The following NOL8 variants were observed in gnomAD, a reference collection of about 807,000 sequenced individuals.
The protein encoded by NOL8 is nucleolar protein 8.
Under a neutral mutation model 116.1 loss-of-function variants are expected in NOL8, and 93 were observed. That is an observed-to-expected ratio of 0.80 (90% CI 0.68 to 0.95). The LOEUF is 0.95. Among genes scored for constraint, NOL8 ranks in the 40% least tolerant of loss-of-function variants. The pLI is 0.00. For missense variants in NOL8, 1,291 were observed against 1,382.8 expected (o/e 0.93, Z 1.05); for synonymous variants, 419 against 469.0 (o/e 0.89, Z 1.38).
At chr9:92,320,672 T>C (rs1023475157) in intron 4 of NOL8, among the ~76,000 whole-genome samples, 2 of 151,936 alleles carry the variant, frequency 1.3e-5, no homozygotes, top group Non-Finnish European at 2.9e-5. Context: ...AATGGCACAA[T>C]GTAGGCTCAC....
chr9:92,310,358 T>A (rs1838661453), intron 9 of NOL8, 97 bp from the exon 10 acceptor site: 2 of 1,220,656 alleles, frequency 1.6e-6, no homozygotes, highest in Non-Finnish European at 2.4e-6. Context: ...ACACTGAAAT[T>A]CACTACATTA....
Position 92,315,001 on chromosome 9 carries a change from C to A in NOL8, c.1624G>T (p.Ala542Ser). ...TCTAACAGGGAAGCCACAATCTCCGCAGGACGAATACACTGTCGGCCTCTG... is the reference window on the plus strand; with the variant it reads ...TCTAACAGGGAAGCCACAATCTCCGAAGGACGAATACACTGTCGGCCTCTG... Reference protein sequence around the residue: ...LRRGRQCIRPAEIVASLLEGE... With the variant: ...LRRGRQCIRPSEIVASLLEGE... The change falls in exon 7 of 17, where the codon GCG becomes TCG. Residue 542 changes from alanine (A) to serine (S), a missense_variant. By Grantham distance (99) the Ala-to-Ser change is moderately conservative. Coordinates refer to ENST00000442668, the MANE Select transcript of NOL8 (RefSeq NM_017948.6). 1.2e-6 allele frequency: 2 copies of A among 1,614,032 alleles called. No individual in the cohort carries two copies. Among genetic ancestry groups the A allele is most frequent in the Non-Finnish European group, 1.7e-6 (2 of 1,179,892 alleles).
rs866741310 is a variant in NOL8, at chr9:92,306,913, C to T, written c.2798G>A (p.Arg933Lys). 2.6e-5 allele frequency: 42 copies of T among 1,613,112 alleles called. No individual in the cohort carries two copies. The East Asian group carries it at 9.4e-4, about 36-fold the overall frequency. ...AAATTTCTTAGCAGCTACTGATCCTCTGTTTGTAGAATTGCTTAAGTTGAT... is the reference window on the plus strand; with the variant it reads ...AAATTTCTTAGCAGCTACTGATCCTTTGTTTGTAGAATTGCTTAAGTTGAT... ...LQINLSNSTN[R>K]GSVAAKKFKD... Residue 933 changes from arginine (R) to lysine (K), a missense_variant, in exon 11 of 17, where the codon AGA (arginine) becomes AAA (lysine). By Grantham distance (26) the Arg-to-Lys change is conservative. Transcript: ENST00000442668.
At chr9:92,318,760 ATAC>A (rs1260845973) in intron 5 of NOL8, 74 bp from the exon 6 acceptor site, 1 of 956,416 alleles carries the variant, frequency 1.0e-6, no homozygotes, top group Non-Finnish European at 1.5e-6. Context: ...TATTAGGTAA[ATAC>A]AACAAAAAAA....
intron 2 of NOL8, among the ~76,000 whole-genome samples, chr9:92,323,727 T>C (rs1460000711): frequency 6.6e-6 from 1 of 152,198 alleles, no homozygotes; most frequent in African/African-American, 2.4e-5. Context: ...AGGAAACATT[T>C]TGATTGTATG....
chr9:92,312,581 C>G lies in NOL8; in HGVS notation c.2359-1322G>C, dbSNP rs1003574986. Among the ~76,000 whole-genome samples, 13 of 151,286 alleles carry G rather than the reference C, an allele frequency of 8.6e-5. 1 individual carries two copies. Among genetic ancestry groups the G allele is most frequent in the African/African-American group, 3.2e-4 (13 of 41,180 alleles). On this transcript the variant is annotated intron_variant, in intron 7 of 16. Coordinates refer to ENST00000442668, the MANE Select transcript of NOL8 (RefSeq NM_017948.6). Reference sequence around the variant, plus strand: ...GTAGCTCACGCCTGTAATCCCAACACTTTGGGAGGCCAAGACAGGCGGATC... The same window carrying G: ...GTAGCTCACGCCTGTAATCCCAACAGTTTGGGAGGCCAAGACAGGCGGATC...
chr9:92,314,160 G>T, intron 7 of NOL8, 107 bp downstream of exon 7: 4 of 1,366,216 alleles, frequency 2.9e-6, no homozygotes, highest in South Asian at 2.3e-5. Flanking sequence ...CATGAAACTG[G>T]TGAACACCAA....
chr9:92,297,703 T>G lies in NOL8; in HGVS notation c.*133A>C. 1 of 647,260 alleles carries G rather than the reference T, an allele frequency of 1.5e-6. No individual in the cohort carries two copies. The highest frequency in any genetic ancestry group is 2.6e-6 in the Non-Finnish European group (1 of 379,042). 40.1% of individuals were successfully genotyped at this position (647,260 alleles called of 1,614,324 possible). A position where few individuals can be genotyped will look rare whatever the true frequency, so the allele number is the denominator to read the frequency against. On this transcript the variant is annotated 3_prime_UTR_variant, in exon 17 of 17. Transcript: ENST00000442668. ...CCACAGAAAAAGATGGCAACCAGAA[T>G]GATATTCCGTCAGCCAGATTTTTAA...
At chr9:92,319,462 G>C in intron 4 of NOL8, 106 bp from the exon 5 acceptor site, 1 of 1,238,936 alleles carries the variant, frequency 8.1e-7, no homozygotes, top group Non-Finnish European at 1.0e-6. Flanking sequence ...CAGCTTTGTA[G>C]TATTAAAAAC....
intron 10 of NOL8, among the ~76,000 whole-genome samples, chr9:92,309,107 C>G (rs1359459274): frequency 1.3e-5 from 2 of 152,158 alleles, no homozygotes; most frequent in Non-Finnish European, 2.9e-5. Flanking sequence ...TGCCTGTAAT[C>G]TCAGCACTGA....
intron 13 of NOL8, chr9:92,300,785 T>C: frequency 1.7e-6 from 2 of 1,151,354 alleles, no homozygotes; most frequent in Non-Finnish European, 2.2e-6. Context: ...ACCACTGCAC[T>C]CCAGCCTGGG....
At chr9:92,303,935 C>G (rs1837987064) in intron 12 of NOL8, among the ~76,000 whole-genome samples, 1 of 152,212 alleles carries the variant, frequency 6.6e-6, no homozygotes, top group Non-Finnish European at 1.5e-5. Context: ...AGGCTTATCT[C>G]AAAATGATTT....
Position 92,301,695 on chromosome 9 carries a change from C to T in NOL8, c.3031G>A (p.Glu1011Lys), listed in dbSNP as rs1837759486. 1.9e-6 allele frequency: 3 copies of T among 1,607,810 alleles called. No individual in the cohort carries two copies. The highest frequency in any genetic ancestry group is 2.5e-6 in the Non-Finnish European group (3 of 1,178,278). The change falls in exon 13 of 17, where the codon GAA (glutamate) becomes AAA (lysine). Residue 1011 changes from glutamate (E) to lysine (K), a missense_variant. Coordinates refer to ENST00000442668, the MANE Select transcript of NOL8 (RefSeq NM_017948.6). ...FQTTKYTSEK[E>K]EGTPWNEDCG... ...TCCTCATTCCAGGGTGTGCCCTCTT[C>T]CTTTTCACTGGTATATTTTGTAGTT...
At chr9:92,323,993 A>G (rs1840190516) in intron 2 of NOL8, 30 bp downstream of exon 2, 5 of 1,611,532 alleles carry the variant, frequency 3.1e-6, no homozygotes, top group South Asian at 1.1e-5. Flanking sequence ...ATGTCTGCCT[A>G]TAACTGCCCA....
intron 7 of NOL8, 60 bp from the exon 8 acceptor site, chr9:92,311,319 CA>C (rs1838770061): frequency 7.9e-7 from 1 of 1,273,652 alleles, no homozygotes; most frequent in African/African-American, 1.5e-5. Flanking sequence ...ACTCCAAAAG[CA>C]ATTGCAACAA....
In NOL8 at chr9:92,310,590, T is replaced by C; in HGVS notation, c.2558A>G (p.Lys853Arg). ...SDSEDDSNRF[K>R]IKPQFEGRAG... ...TCTGCCCTCAAACTGAGGTTTAATT[T>C]TGAACCTATTACTGTCATCTTCAGA... The change falls in exon 9 of 17, where the codon AAA (lysine) becomes AGA (arginine). Residue 853 changes from lysine to arginine, a missense_variant. Physicochemically the swap from Lys to Arg is conservative, Grantham distance 26 (BLOSUM62 2). Coordinates refer to ENST00000442668, the MANE Select transcript of NOL8 (RefSeq NM_017948.6). 1 of 1,612,602 alleles carries C rather than the reference T, an allele frequency of 6.2e-7. No homozygotes were observed. Among genetic ancestry groups the C allele is most frequent in the Non-Finnish European group, 8.5e-7 (1 of 1,179,400 alleles).
chr9:92,316,138 T>A lies in NOL8; in HGVS notation c.487A>T (p.Ile163Phe), dbSNP rs1267240011. The A allele has an allele frequency of 6.2e-7, 1 of 1,605,572 alleles. No homozygotes were observed. Among genetic ancestry groups the A allele is most frequent in the Non-Finnish European group, 8.5e-7 (1 of 1,175,772 alleles). Residue 163 changes from isoleucine (I) to phenylalanine (F), a missense_variant and splice_region_variant, in exon 7 of 17, where the codon ATC (isoleucine) becomes TTC (phenylalanine). Transcript: ENST00000442668. The stretch of plus-strand genomic sequence containing the variant: ...TATTTTGAGGGATCATATTTGATGA[T>A]GTTACGCAAGTCAAGAAACAAAACT... The part of the protein sequence containing the change: ...LHLKNQHKRK[I>F]IKYDPSKYCH...
At chr9:92,301,911 CT>C in intron 12 of NOL8, 89 bp from the exon 13 acceptor site, 1 of 1,087,246 alleles carries the variant, frequency 9.2e-7, no homozygotes, top group Non-Finnish European at 1.3e-6. Context: ...TCTTGGACAA[CT>C]TTAATTCTAT....
intron 6 of NOL8, among the ~76,000 whole-genome samples, chr9:92,317,598 A>G (rs1014064560): frequency 1.3e-5 from 2 of 152,180 alleles, no homozygotes; most frequent in African/African-American, 4.8e-5. Context: ...GGTTTACTGC[A>G]GTTGTCAATC....
Sources: allele counts gnomAD v4.1 joint callset (sites outside exome capture counted in the v4.1 genomes callset), GRCh38; gene constraint gnomAD v4.1.1; transcripts MANE v1.5; gene names NCBI Gene and HGNC (gene_info 2026-07-23, HGNC 2026-07-21).